Variants in ADGRL2 observed in about 807,000 individuals in gnomAD.
ADGRL2 encodes the protein calcium-independent alpha-latrotoxin receptor 2.
Under a neutral mutation model 157.4 loss-of-function variants are expected in ADGRL2, and 44 were observed. The ratio of observed to expected loss-of-function variants is 0.28; its 90% CI spans 0.22 to 0.36. ADGRL2 has a LOEUF of 0.36. Ranked by LOEUF, ADGRL2 falls within the 10% of genes least tolerant of loss-of-function variation. The pLI, the probability that ADGRL2 is intolerant of heterozygous loss-of-function variation, is 1.00. For missense variants in ADGRL2, 1,510 were observed against 1,768.9 expected (o/e 0.85, Z 2.63); for synonymous variants, 585 against 624.7 (o/e 0.94, Z 0.95).
At chr1:81,551,803 C>T (rs919135105) in intron 2 of ADGRL2, among the ~76,000 whole-genome samples, 2 of 152,104 alleles carry the variant, frequency 1.3e-5, no homozygotes, top group African/African-American at 2.4e-5. Flanking sequence ...TTTAGTTCTT[C>T]TAGCACATCA....
chr1:81,892,789 A>T (rs1442709482), intron 2 of ADGRL2, among the ~76,000 whole-genome samples: 2 of 152,168 alleles, frequency 1.3e-5, no homozygotes, highest in Non-Finnish European at 2.9e-5. Flanking sequence ...ATGTGTCATG[A>T]AATATTGTTC....
chr1:81,639,286 G>C (rs566652333), intron 3 of ADGRL2, among the ~76,000 whole-genome samples: 10 of 152,204 alleles, frequency 6.6e-5, no homozygotes, highest in African/African-American at 2.4e-4. Flanking sequence ...GGCCAGGCTG[G>C]TCTCGAACTC....
chr1:81,405,106 C>T (rs1557664235), intron 1 of ADGRL2, among the ~76,000 whole-genome samples: 1 of 152,078 alleles, frequency 6.6e-6, no homozygotes, highest in Non-Finnish European at 1.5e-5. Context: ...CATATACTGC[C>T]CTGAATTTTA....
intron 3 of ADGRL2, among the ~76,000 whole-genome samples, chr1:81,597,284 A>C (rs1047714351): frequency 6.6e-6 from 1 of 152,156 alleles, no homozygotes; most frequent in Non-Finnish European, 1.5e-5. Context: ...CCTATCTTAC[A>C]TATTACTTTC....
At chr1:81,557,474 GAAAGAAAGAAGAAAGAAAGA>G (rs1384810328) in intron 2 of ADGRL2, 2 of 53,400 alleles carry the variant, frequency 3.7e-5, no homozygotes, top group African/African-American at 1.4e-4. Context: ...AAAGAAGAAA[GAAAGAAAGAAGAAAGAAAGA>G]AAGAAAGAAA....
chr1:81,875,730 G>T (rs1176711040), intron 2 of ADGRL2, among the ~76,000 whole-genome samples: 2 of 152,054 alleles, frequency 1.3e-5, no homozygotes, highest in Non-Finnish European at 2.9e-5. Flanking sequence ...ATTGTTTTTG[G>T]AGGGGGCTTA....
intron 3 of ADGRL2, among the ~76,000 whole-genome samples, chr1:81,618,495 ATTTT>A (rs1419031919): frequency 6.6e-6 from 1 of 152,224 alleles, no homozygotes; most frequent in Non-Finnish European, 1.5e-5. Flanking sequence ...AGGGGACCAT[ATTTT>A]TATGACAGTT....
upstream of ADGRL2, among the ~76,000 whole-genome samples, chr1:81,697,710 A>G (rs2083474240): frequency 6.6e-6 from 1 of 152,258 alleles, no homozygotes; most frequent in Admixed American, 6.5e-5. Flanking sequence ...GATAAGCTCT[A>G]GAATGGATGG....
intron 1 of ADGRL2, among the ~76,000 whole-genome samples, chr1:81,378,210 C>T (rs2076284006): frequency 6.6e-6 from 1 of 151,396 alleles, no homozygotes; most frequent in South Asian, 2.1e-4. Context: ...CAATGGTTCA[C>T]AATACCTACA....
chr1:81,361,428 C>G (rs148174816), intron 1 of ADGRL2, among the ~76,000 whole-genome samples: 1 of 151,972 alleles, frequency 6.6e-6, no homozygotes, highest in African/African-American at 2.4e-5. Context: ...TTAAAATTGA[C>G]AAATTCTATC....
intron 1 of ADGRL2, among the ~76,000 whole-genome samples, chr1:81,700,476 A>G (rs1232019264): frequency 1.3e-5 from 2 of 152,226 alleles, no homozygotes; most frequent in Non-Finnish European, 1.5e-5. Flanking sequence ...AAAATAAAAC[A>G]TCATTTGTTA....
chr1:81,622,416 A>C (rs2081814120), intron 3 of ADGRL2, among the ~76,000 whole-genome samples: 1 of 151,882 alleles, frequency 6.6e-6, no homozygotes, highest in Non-Finnish European at 1.5e-5. Context: ...CCCTGTCTCT[A>C]CTAAAAATAC....
In ADGRL2 at chr1:81,546,163, T is replaced by G. The variant is rs142941807; in HGVS notation, c.-247-34713T>G. 1.9e-3 allele frequency among the ~76,000 whole-genome samples: 288 copies of G among 152,252 alleles called. 2 individuals are homozygous for G. Among genetic ancestry groups the G allele is most frequent in the African/African-American group, 6.8e-3 (283 of 41,548 alleles). On this transcript the variant is annotated intron_variant, in intron 2 of 24. Transcript: ENST00000370721. ...GGGGAAGAAAGAAAACTCTAAAGCT[T>G]AAGATGCAAGAATTCTAGTTGAATT...
At chr1:81,829,476 C>T (rs2091777545) in intron 1 of ADGRL2, among the ~76,000 whole-genome samples, 1 of 152,262 alleles carries the variant, frequency 6.6e-6, no homozygotes, top group East Asian at 1.9e-4. Flanking sequence ...GAAACTTGTT[C>T]TTTCTTAAAG....
chr1:81,338,392 A>G lies in ADGRL2; in HGVS notation c.-302+31883A>G, dbSNP rs968706925. Among the ~76,000 whole-genome samples the G allele has an allele frequency of 2.0e-5, 3 of 152,028 alleles. No homozygotes were observed. The South Asian group carries it at 6.2e-4, about 32-fold the overall frequency. ...AACAAAACAAAACAAAACACAAAACAAAACAAAAAACTACTCTTAATATAC... is the reference window on the plus strand; with the variant it reads ...AACAAAACAAAACAAAACACAAAACGAAACAAAAAACTACTCTTAATATAC... On this transcript the variant is annotated intron_variant, in intron 1 of 24. Coordinates refer to the ADGRL2 transcript ENST00000370721.
intron 1 of ADGRL2, among the ~76,000 whole-genome samples, chr1:81,732,876 TA>T (rs1194455290): frequency 1.6e-4 from 24 of 151,964 alleles, no homozygotes; most frequent in Non-Finnish European, 2.9e-5. Flanking sequence ...CATTTAACTT[TA>T]AAAAAAAGAA....
intron 1 of ADGRL2, among the ~76,000 whole-genome samples, chr1:81,740,946 T>G (rs970563812): frequency 6.6e-6 from 1 of 152,026 alleles, no homozygotes; most frequent in Non-Finnish European, 1.5e-5. Flanking sequence ...GGGAAAGACA[T>G]GGTTAAAGGA....
chr1:81,654,277 T>C (rs2082483618), intron 3 of ADGRL2, among the ~76,000 whole-genome samples: 1 of 152,178 alleles, frequency 6.6e-6, no homozygotes, highest in South Asian at 2.1e-4. Context: ...TTGTTTCCAT[T>C]AATGACATCA....
intron 1 of ADGRL2, among the ~76,000 whole-genome samples, chr1:81,323,624 A>G (rs1046872090): frequency 5.9e-5 from 9 of 152,138 alleles, no homozygotes; most frequent in Non-Finnish European, 1.2e-4. Flanking sequence ...TTAAATAATC[A>G]CACAAAGAAA....
Sources: allele counts gnomAD v4.1 joint callset (sites outside exome capture counted in the v4.1 genomes callset), GRCh38; gene constraint gnomAD v4.1.1; transcripts MANE v1.5; gene names NCBI Gene and HGNC (gene_info 2026-07-23, HGNC 2026-07-21).